The following DPP10 variants were observed in gnomAD, a reference collection of about 807,000 sequenced individuals.
The protein encoded by DPP10 is dipeptidyl peptidase like 10.
A neutral mutation model predicts 120.9 loss-of-function variants in DPP10; 33 were observed. That is an observed-to-expected ratio of 0.27 (90% CI 0.21 to 0.37). DPP10 has a LOEUF of 0.37. DPP10 is among the 10% of genes least tolerant of loss of function. The pLI is 1.00. For missense variants in DPP10, 816 were observed against 942.8 expected, an observed-to-expected ratio of 0.87 and a Z score of 1.76; for synonymous variants, 337 against 326.1, an observed-to-expected ratio of 1.03 and a Z score of -0.36.
chr2:114,596,838 G>T (rs1443029868), intron 1 of DPP10, among the ~76,000 whole-genome samples: 6 of 151,932 alleles, frequency 3.9e-5, no homozygotes, highest in African/African-American at 1.4e-4. Flanking sequence ...CCACTCTGCT[G>T]TTGTTACATT....
At chr2:115,135,680 G>C (rs1573742739) in intron 1 of DPP10, among the ~76,000 whole-genome samples, 1 of 152,126 alleles carries the variant, frequency 6.6e-6, no homozygotes, top group Admixed American at 6.6e-5. Flanking sequence ...GGGCCTTTTT[G>C]GTTCTTGTAG....
intron 1 of DPP10, among the ~76,000 whole-genome samples, chr2:114,652,788 C>T (rs1696687872): frequency 6.6e-6 from 1 of 152,150 alleles, no homozygotes; most frequent in Non-Finnish European, 1.5e-5. Flanking sequence ...GACTCACTTT[C>T]TCACTGATTT....
chr2:115,830,779 G>A (rs1025631337), intron 21 of DPP10, among the ~76,000 whole-genome samples: 9 of 152,164 alleles, frequency 5.9e-5, no homozygotes, highest in African/African-American at 2.2e-4. Context: ...TGAACTAAGA[G>A]AAGGCAATGT....
intron 1 of DPP10, among the ~76,000 whole-genome samples, chr2:114,605,456 T>C (rs1692709106): frequency 6.6e-6 from 1 of 152,166 alleles, no homozygotes; most frequent in African/African-American, 2.4e-5. Context: ...TTTTACTTCC[T>C]TATGATTTTC....
intron 1 of DPP10, among the ~76,000 whole-genome samples, chr2:114,974,271 A>G (rs748606836): frequency 2.1e-4 from 32 of 152,054 alleles, no homozygotes; most frequent in Non-Finnish European, 1.9e-4. Context: ...TACTTTTTCT[A>G]TGTTTAGGTA....
At chr2:115,618,616 A>G (rs11682151) in intron 5 of DPP10, among the ~76,000 whole-genome samples, 29,461 of 152,026 alleles carry the variant, frequency 0.19, 3,620 homozygotes, top group African/African-American at 0.34. Flanking sequence ...AGTATTCACT[A>G]AGCAGTCAGA....
At chr2:114,703,938 T>C (rs1700533331) in intron 1 of DPP10, among the ~76,000 whole-genome samples, 2 of 152,072 alleles carry the variant, frequency 1.3e-5, no homozygotes, top group African/African-American at 4.8e-5. Context: ...GTGGGTGATA[T>C]GAGGAAATAT....
intron 1 of DPP10, among the ~76,000 whole-genome samples, chr2:114,585,404 G>A (rs1690876522): frequency 6.6e-6 from 1 of 152,060 alleles, no homozygotes; most frequent in Non-Finnish European, 1.5e-5. Flanking sequence ...GACTTGAAGG[G>A]CTCATGTGAT....
intron 4 of DPP10, among the ~76,000 whole-genome samples, chr2:115,507,442 T>G (rs2077006459): frequency 6.6e-6 from 1 of 152,014 alleles, no homozygotes; most frequent in Non-Finnish European, 1.5e-5. Context: ...AAAAATAACA[T>G]AGGGTGAGGT....
Position 114,871,021 on chromosome 2 carries a change from C to T in DPP10, c.60+428183C>T, listed in dbSNP as rs190191646. On this transcript the variant is annotated intron_variant, in intron 1 of 25. Transcript: ENST00000410059. Reference sequence around the variant, plus strand: ...TTGTTACTTAATTTAAGCAGCATCCCTCTGCTTTTCTTTGTCTTTATTAAT... The same window carrying T: ...TTGTTACTTAATTTAAGCAGCATCCTTCTGCTTTTCTTTGTCTTTATTAAT... Among the ~76,000 whole-genome samples, 1,041 of 133,944 alleles carry T rather than the reference C, an allele frequency of 7.8e-3. 212 individuals are homozygous for T. The highest frequency in any genetic ancestry group is 0.015 in the Middle Eastern group (4 of 268). The allele number at this position is 133,944 out of a possible 152,430, so 87.9% of individuals were successfully genotyped here. A position where few individuals can be genotyped will look rare whatever the true frequency, so the allele number is the denominator to read the frequency against.
At chr2:114,449,641 G>A (rs2104531470) in intron 1 of DPP10, among the ~76,000 whole-genome samples, 1 of 152,108 alleles carries the variant, frequency 6.6e-6, no homozygotes, top group South Asian at 2.1e-4. Flanking sequence ...TCTTGCGGAA[G>A]GCAATTAACC....
At chr2:115,096,623 T>A (rs909311553) in intron 1 of DPP10, among the ~76,000 whole-genome samples, 1 of 152,124 alleles carries the variant, frequency 6.6e-6, no homozygotes, top group Admixed American at 6.5e-5. Context: ...AAACCCCTCA[T>A]AATTTGAACA....
At chr2:114,719,769 A>G (rs922493403) in intron 1 of DPP10, among the ~76,000 whole-genome samples, 1 of 152,210 alleles carries the variant, frequency 6.6e-6, no homozygotes, top group Non-Finnish European at 1.5e-5. Context: ...CCACCACACA[A>G]TGGGGTATAA....
intron 1 of DPP10, among the ~76,000 whole-genome samples, chr2:114,640,529 C>T (rs1695628079): frequency 6.6e-6 from 1 of 151,102 alleles, no homozygotes; most frequent in Non-Finnish European, 1.5e-5. Context: ...GAGGATACAC[C>T]TCGTCATGCC....
At chr2:115,306,178 T>C (rs1295924115) in intron 1 of DPP10, among the ~76,000 whole-genome samples, 2 of 152,094 alleles carry the variant, frequency 1.3e-5, no homozygotes, top group East Asian at 1.9e-4. Context: ...AACTTACTGG[T>C]ACAGTGTATT....
chr2:115,472,707 ATTCAT>A (rs1242025019), intron 3 of DPP10, among the ~76,000 whole-genome samples: 1 of 152,184 alleles, frequency 6.6e-6, no homozygotes, highest in Non-Finnish European at 1.5e-5. Flanking sequence ...AGAATGTGCT[ATTCAT>A]TTCTTTATTT....
In DPP10 at chr2:114,852,151, C is replaced by CTTTTTT. The variant is rs34580352; in HGVS notation, c.60+409333_60+409338dup. ...GGGAAATTTTTATAGCGATTGCATC[C>CTTTTTT]TTTTTTTTTTTTTTTTTTTTTTTTT... On this transcript the variant is annotated intron_variant, in intron 1 of 25. Transcript: ENST00000410059. 5.9e-3 allele frequency among the ~76,000 whole-genome samples: 315 copies of CTTTTTT among 53,728 alleles called. 38 individuals are homozygous for CTTTTTT. The highest frequency in any genetic ancestry group is 0.022 in the African/African-American group (255 of 11,780). The allele number at this position is 53,728 out of a possible 152,430, so 35.2% of individuals were successfully genotyped here. A position where few individuals can be genotyped will look rare whatever the true frequency, so the allele number is the denominator to read the frequency against.
chr2:115,106,692 C>T (rs926430475), intron 1 of DPP10, among the ~76,000 whole-genome samples: 11 of 152,108 alleles, frequency 7.2e-5, no homozygotes, highest in Non-Finnish European at 1.5e-4. Flanking sequence ...TAGTCCTGAG[C>T]TCAAGCAATC....
chr2:115,282,838 CT>C (rs147415691), intron 1 of DPP10, among the ~76,000 whole-genome samples: 3,679 of 152,108 alleles, frequency 0.024, 147 homozygotes, highest in African/African-American at 0.084. Flanking sequence ...GACAAAATAC[CT>C]TTCCCATTTT....
Sources: allele counts gnomAD v4.1 joint callset (sites outside exome capture counted in the v4.1 genomes callset), GRCh38; gene constraint gnomAD v4.1.1; transcripts MANE v1.5; gene names NCBI Gene and HGNC (gene_info 2026-07-23, HGNC 2026-07-21).